RALYL: variants seen among roughly 807,000 people sequenced by gnomAD.
RALYL encodes RNA-binding Raly-like protein.
RALYL carries 29 observed loss-of-function variants against 35.1 expected under a neutral mutation model. The observed-to-expected ratio is 0.83, with a 90% CI of 0.61 to 1.13. RALYL has a LOEUF of 1.13. Ranked by LOEUF, RALYL falls within the 50% of genes most tolerant of loss-of-function variation. RALYL has a pLI of 0.00. For synonymous variants in RALYL, 120 were observed against 127.6 expected, an observed-to-expected ratio of 0.94 and a Z score of 0.40; for missense variants, 359 against 360.4, an observed-to-expected ratio of 1.00 and a Z score of 0.03.
intron 6 of RALYL, among the ~76,000 whole-genome samples, chr8:84,869,038 C>G (rs1050225136): frequency 6.6e-6 from 1 of 151,750 alleles, no homozygotes; most frequent in East Asian, 1.9e-4. Flanking sequence ...AAGAAAGGGA[C>G]AGATGGGAGC....
chr8:84,262,257 C>A (rs185873176), intron 1 of RALYL, among the ~76,000 whole-genome samples: 64 of 152,206 alleles, frequency 4.2e-4, no homozygotes, highest in Non-Finnish European at 5.0e-4. Context: ...AAATATAGTG[C>A]ACTTTTTTTA....
chr8:84,872,690 GC>G (rs1268675868), intron 6 of RALYL: 2 of 152,082 alleles, frequency 1.3e-5, no homozygotes, highest in Admixed American at 1.3e-4. Flanking sequence ...TTTCCATCAA[GC>G]CCAGGGCTTA....
chr8:84,616,431 T>G (rs1475830901), intron 2 of RALYL, among the ~76,000 whole-genome samples: 22 of 150,350 alleles, frequency 1.5e-4, no homozygotes, highest in African/African-American at 4.7e-4. Context: ...TTGCCCACTT[T>G]TTGATGGGGT....
chr8:84,669,500 A>G (rs1392955919), intron 2 of RALYL, among the ~76,000 whole-genome samples: 2 of 13,786 alleles, frequency 1.5e-4, no homozygotes, highest in African/African-American at 6.8e-4. Context: ...CCCCCCCCCC[A>G]CTCTATTAGT....
chr8:84,199,087 G>A (rs755728948), intron 1 of RALYL, among the ~76,000 whole-genome samples: 1 of 152,048 alleles, frequency 6.6e-6, no homozygotes. Flanking sequence ...TTCCATAGTG[G>A]TTGTACTAAT....
intron 2 of RALYL, among the ~76,000 whole-genome samples, chr8:84,530,142 A>G (rs191362968): frequency 1.4e-4 from 22 of 152,300 alleles, no homozygotes; most frequent in African/African-American, 5.1e-4. Flanking sequence ...AAGAAATAAT[A>G]TAGTTTTTTT....
At chr8:84,492,202 A>T (rs13256291) in intron 1 of RALYL, among the ~76,000 whole-genome samples, 62,526 of 151,772 alleles carry the variant, frequency 0.41, 12,962 homozygotes, top group South Asian at 0.53. Flanking sequence ...GCAAAAGTAA[A>T]ACCTGTCATG....
At chr8:84,371,928 T>C (rs1193671980) in intron 1 of RALYL, among the ~76,000 whole-genome samples, 8 of 152,184 alleles carry the variant, frequency 5.3e-5, no homozygotes, top group African/African-American at 1.9e-4. Context: ...GAAGATGATA[T>C]TGATGCTGTG....
chr8:84,246,204 C>T (rs1329136322), intron 1 of RALYL, among the ~76,000 whole-genome samples: 4 of 151,996 alleles, frequency 2.6e-5, no homozygotes, highest in Non-Finnish European at 5.9e-5. Context: ...CCTTCCTCAC[C>T]CTGCCTCATT....
intron 1 of RALYL, among the ~76,000 whole-genome samples, chr8:84,372,917 C>CTTTTTTTTTTTTT: frequency 4.0e-3 from 197 of 49,014 alleles, no homozygotes; most frequent in African/African-American, 9.5e-3. Context: ...TTTTTTTTTA[C>CTTTTTTTTTTTTT]TTTTTAATAA....
intron 1 of RALYL, among the ~76,000 whole-genome samples, chr8:84,515,643 A>C (rs1260149664): frequency 6.6e-6 from 1 of 152,084 alleles, no homozygotes; most frequent in Non-Finnish European, 1.5e-5. Flanking sequence ...CTTCTATTTG[A>C]TTTAGATTGT....
At chr8:84,561,229 CAGAA>C (rs1325004968) in intron 2 of RALYL, among the ~76,000 whole-genome samples, 1 of 151,806 alleles carries the variant, frequency 6.6e-6, no homozygotes, top group African/African-American at 2.4e-5. Flanking sequence ...AAGTCAGACA[CAGAA>C]AGAAAAATAC....
chr8:84,761,305 C>T (rs1812637495), intron 2 of RALYL, among the ~76,000 whole-genome samples: 2 of 71,574 alleles, frequency 2.8e-5, no homozygotes, highest in African/African-American at 2.5e-4. Flanking sequence ...AATTAATTTT[C>T]AGAAAAATAT....
chr8:84,702,520 G>GTCTC (rs141253736), intron 2 of RALYL, among the ~76,000 whole-genome samples: 5 of 141,784 alleles, frequency 3.5e-5, no homozygotes, highest in Admixed American at 7.2e-5. Context: ...TAGTTGCATA[G>GTCTC]TCTCTCTCTC....
At chr8:84,280,067 A>T (rs1235139186) in intron 1 of RALYL, among the ~76,000 whole-genome samples, 2 of 152,170 alleles carry the variant, frequency 1.3e-5, no homozygotes, top group Non-Finnish European at 2.9e-5. Flanking sequence ...AAGTAGTAAC[A>T]GTTCAGCTGA....
At chr8:84,520,095 T>G (rs1385115527) in intron 1 of RALYL, among the ~76,000 whole-genome samples, 1 of 152,252 alleles carries the variant, frequency 6.6e-6, no homozygotes, top group Non-Finnish European at 1.5e-5. Context: ...GGTACTGACC[T>G]TGACTGATCT....
chr8:84,390,586 G>A (rs184546654), intron 1 of RALYL, among the ~76,000 whole-genome samples: 52 of 152,100 alleles, frequency 3.4e-4, no homozygotes, highest in Admixed American at 2.7e-3. Flanking sequence ...TGTATGTGTC[G>A]AGGAATTTAT....
intron 2 of RALYL, among the ~76,000 whole-genome samples, chr8:84,581,551 A>G (rs1310704334): frequency 2.0e-5 from 3 of 152,192 alleles, no homozygotes; most frequent in African/African-American, 7.2e-5. Flanking sequence ...GGATGTGCTC[A>G]ATAATTGTTA....
chr8:84,499,793 T>C (rs1022218190), intron 1 of RALYL, among the ~76,000 whole-genome samples: 5 of 152,112 alleles, frequency 3.3e-5, no homozygotes, highest in Admixed American at 3.3e-4. Context: ...CTCACTCTCT[T>C]ACCAAGTCTG....
Sources: gnomAD v4.1 joint callset for allele counts (sites outside exome capture counted in the v4.1 genomes callset) on GRCh38, gnomAD v4.1.1 for gene constraint, MANE v1.5 for transcripts, NCBI Gene and HGNC (gene_info 2026-07-23, HGNC 2026-07-21) for gene names.